Variants in RTKN2 observed in about 807,000 individuals in gnomAD.
RTKN2 encodes rhotekin-2.
In RTKN2, 69 loss-of-function variants were observed where a neutral mutation model predicts 71.5. The ratio of observed to expected loss-of-function variants is 0.96; its 90% confidence interval spans 0.79 to 1.18. RTKN2 has a LOEUF of 1.18. RTKN2 is among the 50% of genes most tolerant of loss of function. RTKN2 has a pLI of 0.00. For missense variants in RTKN2, 724 were observed against 719.7 expected, an observed-to-expected ratio of 1.01 and a Z score of -0.07; for synonymous variants, 236 against 236.5, an observed-to-expected ratio of 1.00 and a Z score of 0.02.
At chr10:62,188,900 A>G (rs985544208), downstream of RTKN2, among the ~76,000 whole-genome samples, 12 of 151,712 alleles carry the variant, frequency 7.9e-5, no homozygotes, top group Non-Finnish European at 1.8e-4. Context: ...GGCGCTTGCC[A>G]CCACGCCTGG....
chr10:62,185,626 A>G (rs570234920), intron 8 of RTKN2, among the ~76,000 whole-genome samples: 1 of 152,344 alleles, frequency 6.6e-6, no homozygotes, highest in Admixed American at 6.5e-5. Context: ...TCAAAAAAAA[A>G]AGATTGCTTT....
At chr10:62,211,682 A>T (rs1341237866) in intron 9 of RTKN2, among the ~76,000 whole-genome samples, 1 of 152,146 alleles carries the variant, frequency 6.6e-6, no homozygotes, top group African/African-American at 2.4e-5. Context: ...TTTTCTTGAG[A>T]TGGAGTCTCA....
Position 62,194,532 on chromosome 10 carries a change from G to T in RTKN2, c.*3376C>A. ...TTGATAAATTCAGACCACAGGGACA[G>T]ATATTTTTCTTGCAGAGCAGTTCTT... On this transcript the variant is annotated 3_prime_UTR_variant, in exon 12 of 12. Coordinates refer to ENST00000373789, the MANE Select transcript of RTKN2 (RefSeq NM_145307.4). 1 of 984,950 alleles carries T rather than the reference G, an allele frequency of 1.0e-6. No homozygotes were observed. The highest frequency in any genetic ancestry group is 6.1e-5 in the Admixed American group (1 of 16,274). 61.0% of individuals were successfully genotyped at this position (984,950 alleles called of 1,614,324 possible).
chr10:62,265,043 ACT>A (rs1374499027), intron 1 of RTKN2, among the ~76,000 whole-genome samples: 2 of 152,062 alleles, frequency 1.3e-5, no homozygotes, highest in East Asian at 3.8e-4. Flanking sequence ...TATAATGAAG[ACT>A]CCATAAAACT....
chr10:62,193,917 GATT>G lies in RTKN2; in HGVS notation c.*3988_*3990del, dbSNP rs547427063. On this transcript the variant is annotated 3_prime_UTR_variant, in exon 12 of 12. Transcript: ENST00000373789. ...CCAGCTACTTGGTATGTCTTTTTCTGATTAAACTGATTCCACCACACTGTCTAC... is the reference window on the plus strand; with the variant it reads ...CCAGCTACTTGGTATGTCTTTTTCTGAAACTGATTCCACCACACTGTCTAC... 1,771 of 983,008 alleles carry G rather than the reference GATT, an allele frequency of 1.8e-3. 2 individuals carry two copies. The highest frequency in any genetic ancestry group is 2.0e-3 in the Non-Finnish European group (1,632 of 827,772). The allele number at this position is 983,008 out of a possible 1,614,324, so 60.9% of individuals were successfully genotyped here. A position where few individuals can be genotyped will look rare whatever the true frequency, so the allele number is the denominator to read the frequency against.
At chr10:62,218,367 C>T (rs1024286044) in intron 7 of RTKN2, 66 bp from the exon 8 acceptor site, 5 of 1,064,198 alleles carry the variant, frequency 4.7e-6, no homozygotes, top group Non-Finnish European at 6.9e-6. Context: ...GGTCATCATA[C>T]ATTTTGATTT....
chr10:62,242,013 CTTTTT>C (rs34782333), intron 3 of RTKN2, among the ~76,000 whole-genome samples: 2 of 132,936 alleles, frequency 1.5e-5, no homozygotes, highest in Non-Finnish European at 3.3e-5. Context: ...AATTATTATA[CTTTTT>C]TTTTTTTTTT....
At chr10:62,186,027 G>T (rs1195171317) in intron 8 of RTKN2, among the ~76,000 whole-genome samples, 2 of 152,250 alleles carry the variant, frequency 1.3e-5, no homozygotes, top group African/African-American at 4.8e-5. Context: ...AGGCCAGTCG[G>T]TGAAAGTAGC....
chr10:62,246,529 A>G (rs889778407), intron 2 of RTKN2, among the ~76,000 whole-genome samples: 5 of 152,036 alleles, frequency 3.3e-5, no homozygotes, highest in Non-Finnish European at 1.5e-5. Context: ...CCAAAAAAGT[A>G]CCCTCTGCTG....
rs1314877927 is a variant in RTKN2, at chr10:62,268,567, C to T, written c.44G>A (p.Gly15Glu). ...GCAACTCACCTGCTGGGTGGGAAGC[C>T]CCGCCAGGCGGAGCGCAGGACCCCT... ...SLRGPALRLAGLPTQQDCNIQ... is the reference protein window; with the variant it reads ...SLRGPALRLAELPTQQDCNIQ... Residue 15 changes from glycine (G) to glutamate (E), a missense_variant, in exon 1 of 12, where the codon GGG (glycine) becomes GAG (glutamate). Gly to Glu is a moderately conservative substitution (Grantham distance 98). Coordinates refer to ENST00000373789, the MANE Select transcript of RTKN2 (RefSeq NM_145307.4). 4 of 1,564,596 alleles carry T rather than the reference C, an allele frequency of 2.6e-6. No homozygotes were observed. The South Asian group carries it at 3.5e-5, about 14-fold the overall frequency.
At chr10:62,266,547 T>TGGAG (rs1304878399) in intron 1 of RTKN2, among the ~76,000 whole-genome samples, 1 of 11,876 alleles carries the variant, frequency 8.4e-5, no homozygotes, top group African/African-American at 2.0e-4. Flanking sequence ...GGAATGGAAC[T>TGGAG]GGAGACCGAA....
At chr10:62,242,013 C>CTTT in intron 3 of RTKN2, among the ~76,000 whole-genome samples, 1 of 132,936 alleles carries the variant, frequency 7.5e-6, no homozygotes, top group Non-Finnish European at 1.6e-5. Flanking sequence ...AATTATTATA[C>CTTT]TTTTTTTTTT....
intron 10 of RTKN2, among the ~76,000 whole-genome samples, chr10:62,201,622 C>T (rs1406563227): frequency 6.6e-6 from 1 of 152,066 alleles, no homozygotes; most frequent in Non-Finnish European, 1.5e-5. Flanking sequence ...TTCAAACTGG[C>T]ACACTTTTCT....
intron 2 of RTKN2, among the ~76,000 whole-genome samples, chr10:62,249,366 G>C (rs541170168): frequency 6.6e-6 from 1 of 150,376 alleles, no homozygotes; most frequent in African/African-American, 2.5e-5. Context: ...ACTGGGTTGA[G>C]CAGGGGTTGC....
At chr10:62,226,391 T>C (rs544890871) in intron 6 of RTKN2, among the ~76,000 whole-genome samples, 3 of 152,344 alleles carry the variant, frequency 2.0e-5, no homozygotes, top group Admixed American at 2.0e-4. Flanking sequence ...CTTCATAGAA[T>C]ACTACTCCCT....
intron 1 of RTKN2, among the ~76,000 whole-genome samples, chr10:62,265,286 C>T (rs1589390854): frequency 6.6e-6 from 1 of 152,120 alleles, no homozygotes; most frequent in East Asian, 1.9e-4. Context: ...AGCACAGACA[C>T]ACTCATTCAT....
intron 9 of RTKN2, 101 bp from the exon 10 acceptor site, chr10:62,205,123 C>A: frequency 1.1e-6 from 1 of 877,590 alleles, no homozygotes; most frequent in East Asian, 2.8e-5. Context: ...CCTGATGTAA[C>A]CATAATCTTA....
intron 3 of RTKN2, among the ~76,000 whole-genome samples, chr10:62,243,726 C>T (rs145995054): frequency 5.9e-5 from 9 of 152,276 alleles, no homozygotes; most frequent in African/African-American, 1.7e-4. Flanking sequence ...CAGATTCTTG[C>T]AAATGGCTCA....
rs181386451 is a variant in RTKN2, at chr10:62,197,252, A to G, written c.*656T>C. 4 of 985,636 alleles carry G rather than the reference A, an allele frequency of 4.1e-6. No individual in the cohort carries two copies. The highest frequency in any genetic ancestry group is 1.2e-6 in the Non-Finnish European group (1 of 829,722). The allele number at this position is 985,636 out of a possible 1,614,324, so 61.1% of individuals were successfully genotyped here. ...TAGTAAGTGTTATGCTTCATTTATG[A>G]AAGTTAATGTCAACAGTATTTCAGG... On this transcript the variant is annotated 3_prime_UTR_variant, in exon 12 of 12. Coordinates refer to ENST00000373789, the MANE Select transcript of RTKN2 (RefSeq NM_145307.4).
Sources: gnomAD v4.1 joint callset for allele counts (sites outside exome capture counted in the v4.1 genomes callset) on GRCh38, gnomAD v4.1.1 for gene constraint, MANE v1.5 for transcripts, NCBI Gene and HGNC (gene_info 2026-07-23, HGNC 2026-07-21) for gene names.